Variants in SPACDR observed in about 807,000 individuals in gnomAD.
SPACDR encodes the protein sperm acrosome developmental regulator.
chr7:100,460,119 G>A, the SPACDR span, among the ~76,000 whole-genome samples: 1 of 151,730 alleles, frequency 6.6e-6, no homozygotes, highest in Middle Eastern at 3.4e-3. Flanking sequence ...TTGATCTCCT[G>A]ACCTTGTGAT....
the SPACDR span, among the ~76,000 whole-genome samples, chr7:100,459,869 G>A: frequency 3.9e-5 from 6 of 151,972 alleles, no homozygotes; most frequent in African/African-American, 1.4e-4. Flanking sequence ...TACAAATCAA[G>A]CTGCTGTGAA....
chr7:100,456,837 T>C, the SPACDR span: 5 of 1,613,150 alleles, frequency 3.1e-6, no homozygotes, highest in South Asian at 5.5e-5. Flanking sequence ...GTGCCGTCTG[T>C]GCCTCTCCTG....
At chr7:100,456,744 G>A in the SPACDR span, 1 of 1,582,830 alleles carries the variant, frequency 6.3e-7, no homozygotes. Context: ...AAGGGTCTGG[G>A]GTTCCCCCTA....
chr7:100,463,383 A>C, the SPACDR span: 1 of 1,599,194 alleles, frequency 6.3e-7, no homozygotes, highest in Non-Finnish European at 8.5e-7. Context: ...CACATCTGCC[A>C]GCCGCTCTGC....
the SPACDR span, among the ~76,000 whole-genome samples, chr7:100,462,191 C>T: frequency 1.4e-4 from 21 of 152,070 alleles, no homozygotes; most frequent in East Asian, 3.9e-4. Flanking sequence ...ATTTGGTGGA[C>T]GCATAGGAAA....
At chr7:100,461,359 C>A in the SPACDR span, among the ~76,000 whole-genome samples, 1 of 152,072 alleles carries the variant, frequency 6.6e-6, no homozygotes, top group East Asian at 1.9e-4. Flanking sequence ...TCACTGCAGC[C>A]TCCGCTTCCC....
chr7:100,461,357 G>C, the SPACDR span, among the ~76,000 whole-genome samples: 2 of 152,094 alleles, frequency 1.3e-5, no homozygotes, highest in Non-Finnish European at 1.5e-5. Context: ...GCTCACTGCA[G>C]CCTCCGCTTC....
the SPACDR span, chr7:100,463,730 G>T: frequency 6.5e-7 from 1 of 1,530,544 alleles, no homozygotes; most frequent in Non-Finnish European, 9.1e-7. Context: ...GAGAGGGGCA[G>T]GGCAGAGACA....
the SPACDR span, among the ~76,000 whole-genome samples, chr7:100,457,569 T>G: frequency 6.6e-6 from 1 of 150,986 alleles, no homozygotes; most frequent in Non-Finnish European, 1.5e-5. Context: ...TCAGCCGGCC[T>G]CGGCCTCCCA....
At chr7:100,457,803 A>ATATGTGTGTGTGTGTGTGTGTGTGTGTG in the SPACDR span, among the ~76,000 whole-genome samples, 1 of 72,588 alleles carries the variant, frequency 1.4e-5, no homozygotes, top group African/African-American at 6.5e-5. Flanking sequence ...ATATATATAT[A>ATATGTGTGTGTGTGTGTGTGTGTGTGTG]TGTGTGTGTG....
the SPACDR span, among the ~76,000 whole-genome samples, chr7:100,460,889 G>A: frequency 2.6e-5 from 4 of 151,810 alleles, no homozygotes; most frequent in Non-Finnish European, 5.9e-5. Context: ...CCAAATATGA[G>A]TGCAGGTGAG....
At chr7:100,457,422 G>A in the SPACDR span, among the ~76,000 whole-genome samples, 24 of 151,598 alleles carry the variant, frequency 1.6e-4, no homozygotes, top group Non-Finnish European at 2.9e-4. Flanking sequence ...GGGTTTAAGC[G>A]ATTCTTCTGC....
the SPACDR span, among the ~76,000 whole-genome samples, chr7:100,457,765 C>T: frequency 1.4e-5 from 2 of 147,414 alleles, no homozygotes; most frequent in African/African-American, 5.0e-5. Flanking sequence ...GGACTACAGT[C>T]GTGCACCACC....
At chr7:100,458,207 TGTG>T in the SPACDR span, among the ~76,000 whole-genome samples, 1 of 100,350 alleles carries the variant, frequency 1.0e-5, no homozygotes, top group East Asian at 2.1e-4. Context: ...TGTGTGTGTG[TGTG>T]TGTGTGTGTG....
At chr7:100,457,801 ATATGTG>A in the SPACDR span, among the ~76,000 whole-genome samples, 30 of 74,374 alleles carry the variant, frequency 4.0e-4, no homozygotes, top group East Asian at 2.2e-3. Context: ...TTATATATAT[ATATGTG>A]TGTGTGTGTG....
chr7:100,458,195 G>GGTGTGTGT, the SPACDR span, among the ~76,000 whole-genome samples: 91 of 137,118 alleles, frequency 6.6e-4, no homozygotes, highest in Non-Finnish European at 1.1e-3. Context: ...TGTACTCACT[G>GGTGTGTGT]GTGTGTGTGT....
chr7:100,457,857 A>T, the SPACDR span, among the ~76,000 whole-genome samples: 6,638 of 87,794 alleles, frequency 0.076, 362 homozygotes, highest in African/African-American at 0.16. Context: ...ATATATATAT[A>T]TTTTTTTTTT....
At chr7:100,461,032 G>A in the SPACDR span, among the ~76,000 whole-genome samples, 1 of 151,934 alleles carries the variant, frequency 6.6e-6, no homozygotes, top group Non-Finnish European at 1.5e-5. Context: ...TAGGCTTCAG[G>A]ATCGTTCCAC....
At chr7:100,464,190 G>A in the SPACDR span, 4 of 1,479,910 alleles carry the variant, frequency 2.7e-6, no homozygotes, top group Non-Finnish European at 2.7e-6. Context: ...AATCCTGGGG[G>A]AAGCCCCTCC....
Sources: allele counts gnomAD v4.1 joint callset (sites outside exome capture counted in the v4.1 genomes callset), GRCh38; gene constraint gnomAD v4.1.1; transcripts MANE v1.5; gene names NCBI Gene and HGNC (gene_info 2026-07-23, HGNC 2026-07-21).